Variants in APBB2 observed in about 807,000 individuals in gnomAD.
APBB2 encodes amyloid beta precursor protein binding family B member 2.
In APBB2, 38 loss-of-function variants were observed where a neutral mutation model predicts 82.5. The ratio of observed to expected loss-of-function variants is 0.46; its 90% confidence interval spans 0.36 to 0.60. The LOEUF is 0.60. Among genes scored for constraint, APBB2 ranks in the 20% least tolerant of loss-of-function variants. The pLI is 0.00. For missense variants in APBB2, 772 were observed against 972.3 expected (o/e 0.79, Z 2.74); for synonymous variants, 341 against 368.2 (o/e 0.93, Z 0.85).
intron 12 of APBB2, among the ~76,000 whole-genome samples, chr4:40,851,515 A>G (rs2437350): frequency 0.38 from 57,439 of 151,890 alleles, 11,844 homozygotes; most frequent in Non-Finnish European, 0.47. Context: ...CGACAGAATC[A>G]GGCCAACTTG....
In APBB2 at chr4:41,035,756, T is replaced by C. The variant is rs116018103; in HGVS notation, c.-50-2452A>G. Among the ~76,000 whole-genome samples, 1,263 of 152,358 alleles carry C rather than the reference T, an allele frequency of 8.3e-3. 20 individuals are homozygous for C. Among genetic ancestry groups the C allele is most frequent in the African/African-American group, 0.028 (1,145 of 41,568 alleles). On this transcript the variant is annotated intron_variant, in intron 4 of 17. Coordinates refer to ENST00000508593, the MANE Select transcript of APBB2 (RefSeq NM_004307.2). ...GTTAGGCCTGTGATGGTTGCATCTG[T>C]ACTGAATATGTACAGACTTTTTTTT...
At chr4:40,904,379 C>A (rs1198478579) in intron 10 of APBB2, among the ~76,000 whole-genome samples, 8 of 151,732 alleles carry the variant, frequency 5.3e-5, no homozygotes. Context: ...TGCAGTAAGC[C>A]GAGATGGCGC....
intron 1 of APBB2, among the ~76,000 whole-genome samples, chr4:41,214,144 T>C (rs1169669507): frequency 6.6e-6 from 1 of 152,144 alleles, no homozygotes; most frequent in African/African-American, 2.4e-5. Flanking sequence ...GCCGTGCCAC[T>C]GGCCCTGCGG....
intron 12 of APBB2, among the ~76,000 whole-genome samples, chr4:40,863,294 C>T (rs1763225513): frequency 6.6e-6 from 1 of 152,194 alleles, no homozygotes; most frequent in Non-Finnish European, 1.5e-5. Flanking sequence ...AGGGTCATAT[C>T]ACAACAAGGT....
chr4:40,848,822 C>A (rs1350816164), intron 12 of APBB2: 4 of 980,526 alleles, frequency 4.1e-6, no homozygotes, highest in African/African-American at 1.8e-5. Flanking sequence ...GTCTGCTTTT[C>A]CCCCAGGTCC....
intron 2 of APBB2, among the ~76,000 whole-genome samples, chr4:41,130,892 G>T (rs554791389): frequency 6.6e-6 from 1 of 152,050 alleles, no homozygotes; most frequent in East Asian, 1.9e-4. Context: ...ACCTCCTTAG[G>T]ATCCTGTGGC....
chr4:41,033,486 T>C (rs1214683131), intron 4 of APBB2, among the ~76,000 whole-genome samples, 182 bp from the exon 5 acceptor site: 1 of 152,100 alleles, frequency 6.6e-6, no homozygotes, highest in Non-Finnish European at 1.5e-5. Context: ...AAACTTGAAT[T>C]CCTACTTTGT....
chr4:41,207,288 A>G (rs1280646403), intron 1 of APBB2, among the ~76,000 whole-genome samples: 1 of 152,046 alleles, frequency 6.6e-6, no homozygotes, highest in Non-Finnish European at 1.5e-5. Flanking sequence ...AACCAAAACT[A>G]AAGGTGAATA....
intron 10 of APBB2, among the ~76,000 whole-genome samples, chr4:40,914,270 G>T (rs1203971925): frequency 6.6e-6 from 1 of 152,196 alleles, no homozygotes; most frequent in African/African-American, 2.4e-5. Context: ...CTACTTGGGA[G>T]GCCGAGGCAG....
intron 6 of APBB2, among the ~76,000 whole-genome samples, chr4:40,998,176 G>A (rs1804173700): frequency 6.6e-6 from 1 of 152,214 alleles, no homozygotes; most frequent in South Asian, 2.1e-4. Flanking sequence ...ATCACAGTGA[G>A]CTTGACAGCT....
At chr4:40,897,961 T>C (rs966864039) in intron 10 of APBB2, among the ~76,000 whole-genome samples, 2 of 152,116 alleles carry the variant, frequency 1.3e-5, no homozygotes, top group African/African-American at 4.8e-5. Context: ...AATCAACATA[T>C]ACACTTTGAC....
rs368162278 is a variant in APBB2, at chr4:41,120,437, CAT to C, written c.-260-19689_-260-19688del. Among the ~76,000 whole-genome samples, 79 of 152,322 alleles carry C rather than the reference CAT, an allele frequency of 5.2e-4. No individual in the cohort carries two copies. The East Asian group carries it at 0.01, about 20-fold the overall frequency. ...CTGATCCTGTGCTGCAAAACCGACA[CAT>C]GAGCAAAAGCCAAGGAACAAAAACA... On this transcript the variant is annotated intron_variant, in intron 2 of 17. Coordinates refer to ENST00000508593, the MANE Select transcript of APBB2 (RefSeq NM_004307.2).
chr4:41,113,291 T>C (rs1187067310), intron 2 of APBB2, among the ~76,000 whole-genome samples: 2 of 152,168 alleles, frequency 1.3e-5, no homozygotes, highest in Non-Finnish European at 2.9e-5. Flanking sequence ...GATAGGGATA[T>C]CTGAGTTGGG....
intron 1 of APBB2, among the ~76,000 whole-genome samples, chr4:41,169,824 G>C (rs567056469): frequency 2.9e-5 from 4 of 137,456 alleles, no homozygotes; most frequent in South Asian, 2.2e-4. Context: ...AAACGAATAG[G>C]GGGGGAAAAA....
chr4:41,088,648 G>A (rs889920439), intron 3 of APBB2, among the ~76,000 whole-genome samples: 2 of 152,228 alleles, frequency 1.3e-5, no homozygotes, highest in Non-Finnish European at 2.9e-5. Context: ...TGTGCTGACA[G>A]TCACTTCTGA....
chr4:41,104,229 A>G (rs1029758408), intron 2 of APBB2, among the ~76,000 whole-genome samples: 2 of 152,238 alleles, frequency 1.3e-5, no homozygotes, highest in Non-Finnish European at 2.9e-5. Context: ...TGTAACCTCC[A>G]AAAGAACGTG....
At chr4:41,150,044 G>A (rs930494823) in intron 1 of APBB2, among the ~76,000 whole-genome samples, 1 of 152,066 alleles carries the variant, frequency 6.6e-6, no homozygotes, top group East Asian at 1.9e-4. Flanking sequence ...AATACACTGG[G>A]GTTCTTACAT....
At position 40,907,379 on chromosome 4, in the gene APBB2, A is replaced by T. The variant is rs6833594; in HGVS notation, c.1255-13968T>A. Reference sequence around the variant, plus strand: ...TATATATATATATATATATATATATATTTTTTTTTTTTTTTTTTTTTAGAC... The same window carrying T: ...TATATATATATATATATATATATATTTTTTTTTTTTTTTTTTTTTTTAGAC... On this transcript the variant is annotated intron_variant, in intron 10 of 17. Transcript: ENST00000508593. Among the ~76,000 whole-genome samples the T allele has an allele frequency of 7.3e-3, 271 of 37,302 alleles. 3 individuals are homozygous for T. The highest frequency in any genetic ancestry group is 0.018 in the African/African-American group (143 of 7,950). 24.5% of individuals were successfully genotyped at this position (37,302 alleles called of 152,430 possible). A position where few individuals can be genotyped will look rare whatever the true frequency, so the allele number is the denominator to read the frequency against.
intron 12 of APBB2, chr4:40,857,002 C>G: frequency 1.0e-6 from 1 of 985,590 alleles, no homozygotes; most frequent in Non-Finnish European, 1.2e-6. Flanking sequence ...CAAAGGAGAG[C>G]CGTTCCTTCG....
Sources: gnomAD v4.1 joint callset for allele counts (sites outside exome capture counted in the v4.1 genomes callset) on GRCh38, gnomAD v4.1.1 for gene constraint, MANE v1.5 for transcripts, NCBI Gene and HGNC (gene_info 2026-07-23, HGNC 2026-07-21) for gene names.